The following TJP1 variants were observed in gnomAD, a reference collection of about 807,000 sequenced individuals.
TJP1 encodes the protein tight junction protein 1.
TJP1 carries 43 observed loss-of-function variants against 194.2 expected under a neutral mutation model. The observed-to-expected ratio is 0.22, with a 90% CI of 0.17 to 0.29. The LOEUF (loss-of-function observed/expected upper bound fraction) is 0.29. Among genes scored for constraint, TJP1 ranks in the 10% least tolerant of loss-of-function variants. The probability of loss-of-function intolerance (pLI) is 1.00; values close to 1 mark genes in which losing one functional copy is unlikely to be tolerated. For synonymous variants in TJP1, 801 were observed against 779.0 expected (o/e 1.03, Z -0.47); for missense variants, 1,971 against 2,185.7 (o/e 0.90, Z 1.96).
intron 2 of TJP1, among the ~76,000 whole-genome samples, chr15:29,783,294 C>A (rs1182631644): frequency 6.6e-6 from 1 of 151,758 alleles, no homozygotes; most frequent in Non-Finnish European, 1.5e-5. Flanking sequence ...AACAAAAACA[C>A]AAAGATATCA....
chr15:29,894,083 G>T (rs924372818), intron 2 of TJP1, among the ~76,000 whole-genome samples: 3 of 152,158 alleles, frequency 2.0e-5, no homozygotes, highest in East Asian at 3.8e-4. Flanking sequence ...TAAGTGTGTG[G>T]GGGGCCAGAT....
In TJP1 at chr15:29,701,445, T is replaced by A. The variant is rs1312274843; in HGVS notation, c.*150A>T. ...GTTTTCCGACCATGGTTCAGGGGCATGCTCACTCATCTTTATCAGTTCAAA... is the reference window on the plus strand; with the variant it reads ...GTTTTCCGACCATGGTTCAGGGGCAAGCTCACTCATCTTTATCAGTTCAAA... On this transcript the variant is annotated 3_prime_UTR_variant, in exon 28 of 28. Coordinates refer to ENST00000614355, the MANE Select transcript of TJP1 (RefSeq NM_001330239.4). The A allele has an allele frequency of 2.0e-5, 12 of 609,462 alleles. No individual in the cohort carries two copies. The Admixed American group carries it at 3.1e-4, about 16-fold the overall frequency. 37.8% of individuals were successfully genotyped at this position (609,462 alleles called of 1,614,324 possible).
At chr15:29,967,594 C>CT (rs2056377279) in intron 1 of TJP1, among the ~76,000 whole-genome samples, 1 of 152,182 alleles carries the variant, frequency 6.6e-6, no homozygotes, top group Non-Finnish European at 1.5e-5. Context: ...CTGAACTTTG[C>CT]TGTCCATATT....
intron 2 of TJP1, among the ~76,000 whole-genome samples, chr15:29,884,393 G>A (rs1191706777): frequency 2.6e-5 from 4 of 152,154 alleles, no homozygotes; most frequent in Admixed American, 2.0e-4. Flanking sequence ...GACATCTACA[G>A]TGTTACCAAG....
intron 2 of TJP1, among the ~76,000 whole-genome samples, chr15:29,930,563 C>G (rs2054674115): frequency 6.6e-6 from 1 of 152,114 alleles, no homozygotes; most frequent in Non-Finnish European, 1.5e-5. Flanking sequence ...AAACCAAGAC[C>G]AACAGAGGAT....
chr15:29,894,150 A>G (rs2152174197), intron 2 of TJP1, among the ~76,000 whole-genome samples: 1 of 152,272 alleles, frequency 6.6e-6, no homozygotes, highest in African/African-American at 2.4e-5. Flanking sequence ...CTACCTACAT[A>G]TCTGAGATTT....
At position 29,949,165 on chromosome 15, in the gene TJP1, C is replaced by T. The variant is rs534839113; in HGVS notation, c.306+7067G>A. Among the ~76,000 whole-genome samples, 58 of 149,834 alleles carry T rather than the reference C, an allele frequency of 3.9e-4. No individual in the cohort carries two copies. The South Asian group carries it at 8.9e-3, about 23-fold the overall frequency. On this transcript the variant is annotated intron_variant, in intron 2 of 28. Coordinates refer to the TJP1 transcript ENST00000356107. The stretch of plus-strand genomic sequence containing the variant: ...CCTTCACCACCTCCACTACTACCTC[C>T]ACCACCACCACCTCCATCACCTCCA...
intron 8 of TJP1, 61 bp downstream of exon 8, chr15:29,761,078 T>G (rs1407826034): frequency 6.8e-7 from 1 of 1,465,242 alleles, no homozygotes; most frequent in African/African-American, 1.4e-5. Context: ...GTAAGCAATT[T>G]CAGATACTGG....
chr15:29,831,682 T>G (rs2050841382), intron 2 of TJP1, among the ~76,000 whole-genome samples: 11 of 152,144 alleles, frequency 7.2e-5, no homozygotes, highest in Admixed American at 7.2e-4. Context: ...ACTAGAGAAA[T>G]TTGATTATGG....
intron 19 of TJP1, 168 bp downstream of exon 19, chr15:29,720,190 G>T: frequency 9.0e-7 from 1 of 1,113,384 alleles, no homozygotes; most frequent in Non-Finnish European, 1.2e-6. Flanking sequence ...GCTGTGTTAA[G>T]ACAAACACAC....
chr15:29,813,070 A>T (rs1219354676), intron 1 of TJP1, among the ~76,000 whole-genome samples: 1 of 152,134 alleles, frequency 6.6e-6, no homozygotes, highest in Non-Finnish European at 1.5e-5. Context: ...TTCCACAATT[A>T]TATTTTGAAA....
rs749307786 is a variant in TJP1, at chr15:29,708,709, G to T, written c.4700C>A (p.Thr1567Asn). The change falls in exon 25 of 28, where the codon ACT becomes AAT. Residue 1567 changes from threonine (T) to asparagine (N), a missense_variant. Physicochemically the swap from Thr to Asn is moderately conservative, Grantham distance 65 (BLOSUM62 0). Around this residue, in one of 5 missense-constraint regions of TJP1, gnomAD observed 1,108 missense variants for 1,128.5 expected, o/e 0.98. Coordinates refer to ENST00000614355, the MANE Select transcript of TJP1 (RefSeq NM_001330239.4). ...TAHKPDLSSK[T>N]PTSPKTLVKS... The stretch of plus-strand genomic sequence containing the variant: ...CACAAGAGTTTTTGGAGAAGTGGGA[G>T]TTTTTGAAGACAAGTCAGGTTTATG... 6.2e-7 allele frequency: 1 copy of T among 1,614,254 alleles called. No individual in the cohort carries two copies. Among genetic ancestry groups the T allele is most frequent in the Admixed American group, 1.7e-5 (1 of 60,034 alleles).
chr15:29,931,855 T>C (rs1046606830), intron 2 of TJP1, among the ~76,000 whole-genome samples: 3 of 152,240 alleles, frequency 2.0e-5, no homozygotes, highest in African/African-American at 7.2e-5. Context: ...CCCATTTTTA[T>C]GGTTACTTCT....
chr15:29,727,912 A>C, intron 16 of TJP1, 25 bp downstream of exon 16: 1 of 1,600,350 alleles, frequency 6.2e-7, no homozygotes, highest in South Asian at 1.1e-5. Context: ...AACATAATGA[A>C]ATGGGTCAAG....
chr15:29,784,152 C>A (rs374305609), intron 2 of TJP1, among the ~76,000 whole-genome samples: 1 of 151,956 alleles, frequency 6.6e-6, no homozygotes, highest in African/African-American at 2.4e-5. Context: ...TTCGCTGATA[C>A]TATTTTTGAA....
At chr15:29,879,265 T>A (rs2052834187) in intron 2 of TJP1, among the ~76,000 whole-genome samples, 1 of 152,166 alleles carries the variant, frequency 6.6e-6, no homozygotes, top group South Asian at 2.1e-4. Context: ...GGGAAGAACA[T>A]CTAGGTAGGA....
intron 2 of TJP1, among the ~76,000 whole-genome samples, chr15:29,901,388 C>T (rs2053630296): frequency 6.6e-6 from 1 of 152,198 alleles, no homozygotes; most frequent in Non-Finnish European, 1.5e-5. Context: ...TTGTACACCT[C>T]CAAAGCAAAA....
chr15:29,906,509 A>G (rs1466114576), intron 2 of TJP1, among the ~76,000 whole-genome samples: 4 of 150,634 alleles, frequency 2.7e-5, no homozygotes, highest in Admixed American at 2.7e-4. Context: ...ATAAATAAAT[A>G]AAGTTTAATA....
intron 2 of TJP1, among the ~76,000 whole-genome samples, chr15:29,911,881 A>T (rs1298081256): frequency 6.6e-6 from 1 of 152,192 alleles, no homozygotes; most frequent in African/African-American, 2.4e-5. Flanking sequence ...GGCTTTATCT[A>T]TGTTAGGAGT....
Sources: allele counts gnomAD v4.1 joint callset (sites outside exome capture counted in the v4.1 genomes callset), GRCh38; gene constraint gnomAD v4.1.1; regional missense constraint gnomAD v4.1.1; transcripts MANE v1.5; gene names NCBI Gene and HGNC (gene_info 2026-07-23, HGNC 2026-07-21).